The following FHIT variants were observed in gnomAD, a reference collection of about 807,000 sequenced individuals.
FHIT encodes the protein fragile histidine triad diadenosine triphosphatase, also known as bis(5'-adenosyl)-triphosphatase.
FHIT carries 19 observed loss-of-function variants against 17.9 expected under a neutral mutation model. That is an observed-to-expected ratio of 1.06 (90% CI 0.74 to 1.56). FHIT has a LOEUF of 1.56. Ranked by LOEUF, FHIT falls within the 40% of genes most tolerant of loss-of-function variation. The pLI, the probability that FHIT is intolerant of heterozygous loss-of-function variation, is 0.00. For missense variants in FHIT, 248 were observed against 189.2 expected, an observed-to-expected ratio of 1.31 and a Z score of -1.82; for synonymous variants, 81 against 69.7, an observed-to-expected ratio of 1.16 and a Z score of -0.81.
intron 2 of FHIT, among the ~76,000 whole-genome samples, chr3:61,124,856 G>C (rs2036563168): frequency 1.3e-5 from 2 of 151,888 alleles, no homozygotes; most frequent in Admixed American, 1.3e-4. Flanking sequence ...CTCTTTTCAG[G>C]GCTACATCTG....
chr3:61,110,153 C>T (rs2106884404), intron 2 of FHIT, among the ~76,000 whole-genome samples: 1 of 152,304 alleles, frequency 6.6e-6, no homozygotes, highest in African/African-American at 2.4e-5. Context: ...TAAAGTCCCA[C>T]AAGGTCCCTC....
intron 5 of FHIT, among the ~76,000 whole-genome samples, chr3:60,208,014 C>A (rs1248127452): frequency 2.0e-5 from 3 of 152,166 alleles, no homozygotes; most frequent in Non-Finnish European, 4.4e-5. Context: ...AACAATGAGG[C>A]AACCAACCTG....
At chr3:60,171,336 T>A (rs747933136) in intron 5 of FHIT, among the ~76,000 whole-genome samples, 1 of 152,190 alleles carries the variant, frequency 6.6e-6, no homozygotes, top group Non-Finnish European at 1.5e-5. Flanking sequence ...CAACTACATA[T>A]TGAGAGGAAG....
chr3:60,089,177 A>C (rs1168620476), intron 5 of FHIT, among the ~76,000 whole-genome samples: 4 of 152,226 alleles, frequency 2.6e-5, no homozygotes, highest in African/African-American at 9.6e-5. Flanking sequence ...GAACACTCCA[A>C]GCACACTTCT....
intron 2 of FHIT, among the ~76,000 whole-genome samples, chr3:61,164,012 A>C (rs1440025200): frequency 6.6e-6 from 1 of 152,190 alleles, no homozygotes; most frequent in Non-Finnish European, 1.5e-5. Flanking sequence ...TGGGCTATGA[A>C]TATTCCTATT....
chr3:60,071,497 GT>G (rs1328007108), intron 5 of FHIT, among the ~76,000 whole-genome samples: 1 of 152,052 alleles, frequency 6.6e-6, no homozygotes, highest in Non-Finnish European at 1.5e-5. Context: ...GAGGCTGTGT[GT>G]TTTTTTGTCT....
intron 7 of FHIT, among the ~76,000 whole-genome samples, chr3:59,948,951 T>C (rs1047784420): frequency 6.6e-6 from 1 of 152,114 alleles, no homozygotes; most frequent in East Asian, 1.9e-4. Context: ...GTAACTACTG[T>C]GTGAAGCTGA....
intron 3 of FHIT, among the ~76,000 whole-genome samples, chr3:60,874,119 C>A (rs985994976): frequency 8.5e-5 from 13 of 152,148 alleles, no homozygotes; most frequent in African/African-American, 3.1e-4. Context: ...TGATATTGAA[C>A]CCCTCTGAGT....
chr3:61,097,310 G>C (rs550324840), intron 2 of FHIT, among the ~76,000 whole-genome samples: 1 of 152,098 alleles, frequency 6.6e-6, no homozygotes, highest in Non-Finnish European at 1.5e-5. Flanking sequence ...CCCGGGAAGC[G>C]CAAACATGTA....
chr3:61,024,315 C>A (rs1559918781), intron 3 of FHIT, among the ~76,000 whole-genome samples: 1 of 152,018 alleles, frequency 6.6e-6, no homozygotes, highest in Non-Finnish European at 1.5e-5. Flanking sequence ...TGTTTTCCCC[C>A]CTTCTCCCCC....
At chr3:60,414,891 T>C (rs1454741989) in intron 5 of FHIT, among the ~76,000 whole-genome samples, 2 of 152,190 alleles carry the variant, frequency 1.3e-5, no homozygotes, top group Non-Finnish European at 2.9e-5. Context: ...ATAATCTTTA[T>C]TAGTATTTGA....
At chr3:60,712,495 A>G (rs1346314192) in intron 4 of FHIT, among the ~76,000 whole-genome samples, 2 of 151,690 alleles carry the variant, frequency 1.3e-5, no homozygotes, top group African/African-American at 4.8e-5. Context: ...CTGGATAAAG[A>G]GTCAAGACCC....
At chr3:60,120,008 AATC>A (rs1024336468) in intron 5 of FHIT, among the ~76,000 whole-genome samples, 6 of 152,166 alleles carry the variant, frequency 3.9e-5, no homozygotes, top group Non-Finnish European at 7.3e-5. Flanking sequence ...CTGCTTAAAA[AATC>A]AGCCTAATCA....
chr3:61,018,085 C>G (rs2032213863), intron 3 of FHIT, among the ~76,000 whole-genome samples: 1 of 152,078 alleles, frequency 6.6e-6, no homozygotes, highest in Non-Finnish European at 1.5e-5. Flanking sequence ...TATGCATGAT[C>G]TAATTTAATC....
chr3:60,665,822 C>G (rs771365909), intron 4 of FHIT, among the ~76,000 whole-genome samples: 2 of 151,978 alleles, frequency 1.3e-5, no homozygotes, highest in Non-Finnish European at 2.9e-5. Context: ...TACTTGTTTT[C>G]TATTTGATTC....
chr3:59,753,962 A>G (rs1701061286), intron 8 of FHIT, among the ~76,000 whole-genome samples: 1 of 152,198 alleles, frequency 6.6e-6, no homozygotes, highest in Non-Finnish European at 1.5e-5. Context: ...CGATTAAAAT[A>G]TCGACTTTTT....
chr3:60,672,603 G>A (rs974300495), intron 4 of FHIT, among the ~76,000 whole-genome samples: 1 of 152,160 alleles, frequency 6.6e-6, no homozygotes, highest in African/African-American at 2.4e-5. Flanking sequence ...GGGCGTATAC[G>A]TGCAAGTCAC....
At chr3:60,185,899 C>A (rs986261810) in intron 5 of FHIT, among the ~76,000 whole-genome samples, 4 of 152,218 alleles carry the variant, frequency 2.6e-5, no homozygotes, top group Admixed American at 2.6e-4. Flanking sequence ...TCTCTACCAA[C>A]ATGTGACGTT....
chr3:60,118,899 TA>T (rs1705115550), intron 5 of FHIT, among the ~76,000 whole-genome samples: 1 of 150,224 alleles, frequency 6.7e-6, no homozygotes, highest in Non-Finnish European at 1.5e-5. Flanking sequence ...CGGGCACCTG[TA>T]ATCCCAGCTA....
Sources: gnomAD v4.1 joint callset for allele counts (sites outside exome capture counted in the v4.1 genomes callset) on GRCh38, gnomAD v4.1.1 for gene constraint, MANE v1.5 for transcripts, NCBI Gene and HGNC (gene_info 2026-07-23, HGNC 2026-07-21) for gene names.